The following TMEM117 variants were observed in gnomAD, a reference collection of about 807,000 sequenced individuals.
The protein encoded by TMEM117 is transmembrane protein 117.
A neutral mutation model predicts 52.4 loss-of-function variants in TMEM117; 27 were observed. The ratio of observed to expected loss-of-function variants is 0.51; its 90% CI spans 0.38 to 0.71. The LOEUF is 0.71. Among genes scored for constraint, TMEM117 ranks in the 30% least tolerant of loss-of-function variants. The probability of loss-of-function intolerance (pLI) is 0.00; values close to 1 mark genes in which losing one functional copy is unlikely to be tolerated. For synonymous variants in TMEM117, 215 were observed against 206.3 expected, an observed-to-expected ratio of 1.04 and a Z score of -0.36; for missense variants, 556 against 630.5, an observed-to-expected ratio of 0.88 and a Z score of 1.26.
At chr12:43,826,390 G>T in the TMEM117 span, among the ~76,000 whole-genome samples, 1 of 152,156 alleles carries the variant, frequency 6.6e-6, no homozygotes, top group Admixed American at 6.5e-5. Flanking sequence ...ACCCCCTGAG[G>T]CTAGATCTAC....
intron 3 of TMEM117, among the ~76,000 whole-genome samples, chr12:44,052,461 C>T (rs958239836): frequency 6.6e-6 from 1 of 152,082 alleles, no homozygotes; most frequent in African/African-American, 2.4e-5. Flanking sequence ...CACAGACAGC[C>T]CCTCAGGGAC....
intron 4 of TMEM117, among the ~76,000 whole-genome samples, chr12:44,166,363 G>A (rs936412740): frequency 1.3e-5 from 2 of 152,178 alleles, no homozygotes; most frequent in African/African-American, 4.8e-5. Context: ...AACATCTTTA[G>A]TTGAGTTAAT....
chr12:43,877,319 G>A (rs1241203259), intron 2 of TMEM117, among the ~76,000 whole-genome samples: 1 of 152,120 alleles, frequency 6.6e-6, no homozygotes, highest in East Asian at 1.9e-4. Context: ...CACTAATTGA[G>A]AGAATCTATC....
intron 5 of TMEM117, among the ~76,000 whole-genome samples, chr12:44,231,633 G>GT (rs1480458631): frequency 6.6e-6 from 1 of 151,680 alleles, no homozygotes; most frequent in African/African-American, 2.4e-5. Flanking sequence ...TTCACCTAAT[G>GT]TTTATAGACT....
At chr12:44,311,652 A>G (rs1172683960) in intron 6 of TMEM117, among the ~76,000 whole-genome samples, 1 of 150,658 alleles carries the variant, frequency 6.6e-6, no homozygotes, top group Non-Finnish European at 1.5e-5. Context: ...ATTTTGCTGT[A>G]TTATACATAA....
rs553781933 is a variant in TMEM117 at position 44,380,235 on chromosome 12, T to C, written c.898+3511T>C. Among the ~76,000 whole-genome samples, 4 of 152,288 alleles carry C rather than the reference T, an allele frequency of 2.6e-5. No homozygotes were observed. In the South Asian group the frequency reaches 6.2e-4, roughly 24 times the overall value. On this transcript the variant is annotated intron_variant, in intron 7 of 7. Transcript: ENST00000266534. ...AGAAAGGCACATGGTAGAATCCTCC[T>C]AGGAGCTGAAATTTTAGAGCTGGGG...
At chr12:44,383,467 G>C (rs946404226) in intron 7 of TMEM117, among the ~76,000 whole-genome samples, 6 of 152,030 alleles carry the variant, frequency 3.9e-5, no homozygotes, top group African/African-American at 1.4e-4. Context: ...CAACCAGTAG[G>C]ATTCATTAAA....
rs564979381 is a variant in TMEM117, at chr12:44,311,097, A to G, written c.768+11358A>G. Reference sequence around the variant, plus strand: ...TTTTGAATTTCTCCTATAAAACTATATCACTACTGTTGTGTATTTGTGGAA... The same window carrying G: ...TTTTGAATTTCTCCTATAAAACTATGTCACTACTGTTGTGTATTTGTGGAA... On this transcript the variant is annotated intron_variant, in intron 6 of 7. Coordinates refer to ENST00000266534, the MANE Select transcript of TMEM117 (RefSeq NM_032256.3). Among the ~76,000 whole-genome samples, 3 of 152,276 alleles carry G rather than the reference A, an allele frequency of 2.0e-5. 1 individual carries two copies. Among genetic ancestry groups the G allele is most frequent in the Non-Finnish European group, 4.4e-5 (3 of 68,024 alleles).
chr12:43,907,382 C>G (rs1944411446), intron 2 of TMEM117, among the ~76,000 whole-genome samples: 1 of 151,060 alleles, frequency 6.6e-6, no homozygotes, highest in African/African-American at 2.4e-5. Context: ...TAGATAAAAC[C>G]ACAAAGATGG....
the TMEM117 span, among the ~76,000 whole-genome samples, chr12:44,398,242 GT>G: frequency 1.3e-5 from 2 of 152,228 alleles, no homozygotes; most frequent in Admixed American, 1.3e-4. Context: ...GTTTGAAAGG[GT>G]TGAGGAGTAG....
At chr12:44,325,294 A>G (rs1016282034) in intron 6 of TMEM117, among the ~76,000 whole-genome samples, 83 of 152,178 alleles carry the variant, frequency 5.5e-4, no homozygotes, top group South Asian at 2.1e-4. Flanking sequence ...AGTGAAAACT[A>G]TGAATATCCA....
intron 6 of TMEM117, among the ~76,000 whole-genome samples, chr12:44,366,987 C>T (rs976912403): frequency 6.6e-6 from 1 of 152,154 alleles, no homozygotes; most frequent in African/African-American, 2.4e-5. Context: ...TGTAAACAAC[C>T]AGTGTATCCA....
chr12:44,012,270 T>C (rs1240859476), intron 3 of TMEM117, among the ~76,000 whole-genome samples: 1 of 152,118 alleles, frequency 6.6e-6, no homozygotes, highest in East Asian at 1.9e-4. Context: ...GCCCAGGTGT[T>C]ATGTGCTTTT....
intron 6 of TMEM117, among the ~76,000 whole-genome samples, chr12:44,349,010 T>G (rs747376313): frequency 6.6e-6 from 1 of 151,988 alleles, no homozygotes; most frequent in Non-Finnish European, 1.5e-5. Flanking sequence ...ACAACATGCT[T>G]TGGTTGAAAG....
Position 44,113,956 on chromosome 12 carries a change from G to T in TMEM117, c.411-29569G>T, listed in dbSNP as rs1592528009. ...TCTGAAAAGCGCAATATTCGGGTGG[G>T]AGTGACCCGATTTTCCAGGTGTGTC... is the stretch of plus-strand genomic sequence containing the variant. On this transcript the variant is annotated intron_variant, in intron 3 of 7. Transcript: ENST00000266534. 5.2e-5 allele frequency among the ~76,000 whole-genome samples: 7 copies of T among 135,364 alleles called. No individual in the cohort carries two copies. The South Asian group carries it at 1.7e-3, about 32-fold the overall frequency. The allele number at this position is 135,364 out of a possible 152,430, so 88.8% of individuals were successfully genotyped here.
chr12:44,145,166 A>G (rs1948626089), intron 4 of TMEM117, among the ~76,000 whole-genome samples: 2 of 152,248 alleles, frequency 1.3e-5, no homozygotes, highest in Non-Finnish European at 2.9e-5. Context: ...CAAAAAGAAA[A>G]TAAAAAAGAA....
At chr12:44,104,527 T>A (rs1324079549) in intron 3 of TMEM117, among the ~76,000 whole-genome samples, 5 of 122,414 alleles carry the variant, frequency 4.1e-5, no homozygotes, top group Admixed American at 4.0e-4. Flanking sequence ...GTCCTGTGAC[T>A]GGTATTATTA....
chr12:44,387,298 A>G (rs1443018516), intron 7 of TMEM117, among the ~76,000 whole-genome samples: 3 of 151,834 alleles, frequency 2.0e-5, no homozygotes, highest in Non-Finnish European at 2.9e-5. Context: ...TAAAAATATC[A>G]TTTGATAAAA....
intron 6 of TMEM117, among the ~76,000 whole-genome samples, chr12:44,365,217 T>C (rs1444993989): frequency 6.6e-6 from 1 of 152,034 alleles, no homozygotes; most frequent in Non-Finnish European, 1.5e-5. Flanking sequence ...AGGATAAACA[T>C]AGGACCACTT....
Sources: gnomAD v4.1 joint callset for allele counts (sites outside exome capture counted in the v4.1 genomes callset) on GRCh38, gnomAD v4.1.1 for gene constraint, MANE v1.5 for transcripts, NCBI Gene and HGNC (gene_info 2026-07-23, HGNC 2026-07-21) for gene names.